PCLO: variants seen among roughly 807,000 people sequenced by gnomAD.
PCLO encodes piccolo presynaptic cytomatrix protein, also known as protein piccolo.
In PCLO, 82 loss-of-function variants were observed where a neutral mutation model predicts 427.5. The ratio of observed to expected loss-of-function variants is 0.19; its 90% CI spans 0.16 to 0.23. The LOEUF is 0.23. Among genes scored for constraint, PCLO ranks in the 10% least tolerant of loss-of-function variants. The probability of loss-of-function intolerance (pLI) is 1.00; values close to 1 mark genes in which losing one functional copy is unlikely to be tolerated. For synonymous variants in PCLO, 2,357 were observed against 2,155.4 expected, an observed-to-expected ratio of 1.09 and a Z score of -2.59; for missense variants, 6,239 against 6,115.9, an observed-to-expected ratio of 1.02 and a Z score of -0.67.
chr7:83,120,398 C>A (rs1791245048), intron 3 of PCLO, among the ~76,000 whole-genome samples: 1 of 72,524 alleles, frequency 1.4e-5, no homozygotes, highest in Non-Finnish European at 2.6e-5. Context: ...GAGACTCTGC[C>A]TCAGAAAAAA....
rs191595035 is a variant in PCLO, at chr7:82,994,709, C to T, written c.3301-28222G>A. On this transcript the variant is annotated intron_variant, in intron 3 of 24. Transcript: ENST00000333891. ...TCATGGGAAATGGGATTATCCAACC[C>T]CTCACAGATAACCATTTTCAAAATA... 7.3e-3 allele frequency among the ~76,000 whole-genome samples: 1,115 copies of T among 151,764 alleles called. 6 individuals are homozygous for T. Among genetic ancestry groups the T allele is most frequent in the South Asian group, 0.029 (138 of 4,816 alleles).
At chr7:82,760,181 CTCACT>C (rs1349300693) in intron 24 of PCLO, among the ~76,000 whole-genome samples, 1 of 151,982 alleles carries the variant, frequency 6.6e-6, no homozygotes, top group Non-Finnish European at 1.5e-5. Context: ...ACAATTAAAA[CTCACT>C]TTGGAGGACT....
At chr7:83,008,213 T>A (rs1362122496) in intron 3 of PCLO, among the ~76,000 whole-genome samples, 1 of 151,712 alleles carries the variant, frequency 6.6e-6, no homozygotes, top group Non-Finnish European at 1.5e-5. Context: ...TAGCAATTTG[T>A]CCTCAAAGGA....
At chr7:82,802,746 C>G (rs563886112) in intron 21 of PCLO, among the ~76,000 whole-genome samples, 3 of 152,080 alleles carry the variant, frequency 2.0e-5, no homozygotes, top group Non-Finnish European at 4.4e-5. Flanking sequence ...TTTGCTAGAC[C>G]TGCTGAAAAT....
At chr7:82,871,925 A>T (rs1373725068) in intron 10 of PCLO, among the ~76,000 whole-genome samples, 1 of 151,988 alleles carries the variant, frequency 6.6e-6, no homozygotes. Flanking sequence ...AAACTAAAAT[A>T]TGAACTTTCT....
At chr7:82,827,779 G>T in intron 17 of PCLO, 94 bp downstream of exon 17, 2 of 650,782 alleles carry the variant, frequency 3.1e-6, no homozygotes, top group Non-Finnish European at 5.1e-6. Flanking sequence ...TGTTTGATTG[G>T]CAAAATGTAT....
chr7:82,827,894 A>G lies in PCLO; in HGVS notation c.14322T>C (p.Tyr4774=), dbSNP rs200374566. 293 of 1,586,970 alleles carry G rather than the reference A, an allele frequency of 1.8e-4. 1 individual carries two copies. In the Middle Eastern group the frequency reaches 5.5e-3, roughly 30 times the overall value. The change falls in exon 17 of 25, where the codon TAT becomes TAC. Residue 4774 remains tyrosine, a synonymous_variant. Transcript: ENST00000333891. ...LNPEWNQTVI[Y]KSISMEQLKK... ...ATACCTGTTCCATGGAAATACTTTTATAAATTACTGTTTGATTCCACTCAG... is the reference window on the plus strand; with the variant it reads ...ATACCTGTTCCATGGAAATACTTTTGTAAATTACTGTTTGATTCCACTCAG...
chr7:83,097,503 C>T (rs55891688), intron 3 of PCLO, among the ~76,000 whole-genome samples: 66,090 of 145,182 alleles, frequency 0.46, 15,402 homozygotes, highest in East Asian at 0.71. Context: ...GCCTGGGTGA[C>T]AGAGCAAGAC....
intron 22 of PCLO, among the ~76,000 whole-genome samples, chr7:82,779,746 C>CTTTTTTT (rs397976054): frequency 7.4e-6 from 1 of 134,388 alleles, no homozygotes; most frequent in Non-Finnish European, 1.6e-5. Context: ...TTCTTTCTTT[C>CTTTTTTT]TTTTTTTTTT....
At chr7:83,132,983 C>T (rs191064279) in intron 3 of PCLO, among the ~76,000 whole-genome samples, 4 of 151,730 alleles carry the variant, frequency 2.6e-5, no homozygotes. Context: ...CTCATGAAGT[C>T]CTAAGAGAAA....
chr7:82,970,510 T>C (rs539905981), intron 3 of PCLO, among the ~76,000 whole-genome samples: 3 of 151,938 alleles, frequency 2.0e-5, no homozygotes, highest in Admixed American at 6.6e-5. Flanking sequence ...TGATAAATTA[T>C]AAGCCACAAA....
chr7:83,038,188 A>G (rs1172381919), intron 3 of PCLO, among the ~76,000 whole-genome samples: 2 of 135,394 alleles, frequency 1.5e-5, no homozygotes, highest in Non-Finnish European at 3.2e-5. Context: ...CATATAACAC[A>G]TATCCATACA....
intron 3 of PCLO, among the ~76,000 whole-genome samples, chr7:82,977,384 A>T (rs1349861560): frequency 1.7e-4 from 10 of 58,524 alleles, no homozygotes; most frequent in Admixed American, 1.3e-3. Context: ...CATCTTTTTT[A>T]TTTATTTATT....
chr7:82,765,210 A>T (rs1790508749), intron 22 of PCLO, among the ~76,000 whole-genome samples: 1 of 151,920 alleles, frequency 6.6e-6, no homozygotes, highest in South Asian at 2.1e-4. Flanking sequence ...TAAAGAAATG[A>T]TCACATGAAA....
chr7:83,057,275 A>T (rs1325681052), intron 3 of PCLO, among the ~76,000 whole-genome samples: 1 of 128,358 alleles, frequency 7.8e-6, no homozygotes, highest in East Asian at 2.4e-4. Context: ...TGAACTCTTG[A>T]CCTCAAATGA....
Position 82,801,504 on chromosome 7 carries a change from A to G in PCLO, c.15007+14T>C, listed in dbSNP as rs1476002416. 1 of 1,449,486 alleles carries G rather than the reference A, an allele frequency of 6.9e-7. No individual in the cohort carries two copies. Among genetic ancestry groups the G allele is most frequent in the Admixed American group, 1.7e-5 (1 of 59,578 alleles). The allele number at this position is 1,449,486 out of a possible 1,614,324, so 89.8% of individuals were successfully genotyped here. A position where few individuals can be genotyped will look rare whatever the true frequency, so the allele number is the denominator to read the frequency against. ...AGATTCAGCCAAAATCCAATATTGT[A>G]AATTTTTACTTACCTTCAGTGTCTG... is the stretch of plus-strand genomic sequence containing the variant. On this transcript the variant is annotated intron_variant, in intron 22 of 24. Transcript: ENST00000333891.
At chr7:82,935,718 G>A (rs1307046719) in intron 6 of PCLO, among the ~76,000 whole-genome samples, 3 of 151,568 alleles carry the variant, frequency 2.0e-5, no homozygotes, top group Non-Finnish European at 4.4e-5. Context: ...CGATCACGGC[G>A]TGAAACTTCA....
At chr7:82,830,502 T>C (rs1394847461) in intron 16 of PCLO, among the ~76,000 whole-genome samples, 1 of 151,968 alleles carries the variant, frequency 6.6e-6, no homozygotes, top group Non-Finnish European at 1.5e-5. Flanking sequence ...TTTAAGTTAA[T>C]AGTAAACTTG....
At chr7:82,929,027 G>C (rs901939791) in intron 6 of PCLO, among the ~76,000 whole-genome samples, 12 of 152,136 alleles carry the variant, frequency 7.9e-5, no homozygotes, top group African/African-American at 2.9e-4. Flanking sequence ...GTCTGAAGGT[G>C]AGACTTCTGA....
Sources: allele counts gnomAD v4.1 joint callset (sites outside exome capture counted in the v4.1 genomes callset), GRCh38; gene constraint gnomAD v4.1.1; transcripts MANE v1.5; gene names NCBI Gene and HGNC (gene_info 2026-07-23, HGNC 2026-07-21).